The following RUVBL2 variants were observed in gnomAD, a reference collection of about 807,000 sequenced individuals.
RUVBL2 encodes RuvB like AAA ATPase 2, also known as ruvB-like 2.
Under a neutral mutation model 57.9 loss-of-function variants are expected in RUVBL2, and 9 were observed. The observed-to-expected ratio is 0.16, with a 90% CI of 0.09 to 0.27. RUVBL2 has a LOEUF of 0.27. Among genes scored for constraint, RUVBL2 ranks in the 10% least tolerant of loss-of-function variants. The pLI is 1.00. For missense variants in RUVBL2, 456 were observed against 669.6 expected, an observed-to-expected ratio of 0.68 and a Z score of 3.52; for synonymous variants, 278 against 264.6, an observed-to-expected ratio of 1.05 and a Z score of -0.49.
chr19:49,009,638 A>G, intron 6 of RUVBL2, 138 bp from the exon 7 acceptor site: 1 of 725,126 alleles, frequency 1.4e-6, no homozygotes, highest in Non-Finnish European at 2.4e-6. Flanking sequence ...TTCCCTGGAG[A>G]GCTTCCTTGT....
At position 49,011,042 on chromosome 19, in the gene RUVBL2, T is replaced by C. The variant is rs2039415260; in HGVS notation, c.831T>C (p.Asn277=). The change falls in exon 10 of 15, where the codon AAT becomes AAC. Residue 277 remains asparagine, a synonymous_variant. Coordinates refer to ENST00000595090, the MANE Select transcript of RUVBL2 (RefSeq NM_006666.3). The surrounding 1 kb of genome is among the most constrained non-coding windows in gnomAD (Gnocchi z 4.4). ...AGTCAGAAGTCCGTGAGCAGATCAA[T>C]GCCAAGGTGGCTGAGTGGCGCGAGG... ...EIKSEVREQI[N]AKVAEWREEG... is the part of the protein sequence containing the mutation. 6.2e-7 allele frequency: 1 copy of C among 1,608,956 alleles called. No individual in the cohort carries two copies. Among genetic ancestry groups the C allele is most frequent in the Non-Finnish European group, 8.5e-7 (1 of 1,177,766 alleles).
chr19:49,010,470 C>CCCCCCCCCCCCCCCCCA lies in RUVBL2; in HGVS notation c.664-16_664-15insCCCCCCCCCCCCCCACC. 1 of 1,211,172 alleles carries CCCCCCCCCCCCCCCCCA rather than the reference C, an allele frequency of 8.3e-7. No homozygotes were observed. The highest frequency in any genetic ancestry group is 1.2e-6 in the Non-Finnish European group (1 of 861,236). 75.0% of individuals were successfully genotyped at this position (1,211,172 alleles called of 1,614,324 possible). A position where few individuals can be genotyped will look rare whatever the true frequency, so the allele number is the denominator to read the frequency against. On this transcript the variant is annotated splice_polypyrimidine_tract_variant and intron_variant, in intron 8 of 14. Coordinates refer to ENST00000595090, the MANE Select transcript of RUVBL2 (RefSeq NM_006666.3). ...CCTGCCCTGTCTCCGCCGTTCTTCC[C>CCCCCCCCCCCCCCCCCA]CCACCCCCGCCCCATAGACCAAGTT...
Position 49,011,475 on chromosome 19 carries a change from C to T in RUVBL2, c.1001+165C>T, listed in dbSNP as rs951775634. Reference sequence around the variant, plus strand: ...GCGGGTGGGAGGCAGCTCTGCTTCCCGAGGAAGCCCAGAGACTGTGTTCTT... The same window carrying T: ...GCGGGTGGGAGGCAGCTCTGCTTCCTGAGGAAGCCCAGAGACTGTGTTCTT... On this transcript the variant is annotated intron_variant, in intron 11 of 14. Coordinates refer to ENST00000595090, the MANE Select transcript of RUVBL2 (RefSeq NM_006666.3). The surrounding 1 kb of genome is among the most constrained non-coding windows in gnomAD (Gnocchi z 4.4). Among the ~76,000 whole-genome samples, 1 of 152,148 alleles carries T rather than the reference C, an allele frequency of 6.6e-6. No individual in the cohort carries two copies. The highest frequency in any genetic ancestry group is 1.5e-5 in the Non-Finnish European group (1 of 68,008).
At chr19:49,009,693 C>A (rs753739346) in intron 6 of RUVBL2, 83 bp from the exon 7 acceptor site, 3 of 1,205,084 alleles carry the variant, frequency 2.5e-6, no homozygotes, top group Admixed American at 1.7e-5. Flanking sequence ...CAGAGCAGAG[C>A]CAGAAGCTTA....
At position 49,011,167 on chromosome 19, in the gene RUVBL2, A is replaced by G; in HGVS notation, c.883-25A>G. 6.2e-7 allele frequency: 1 copy of G among 1,609,302 alleles called. No homozygotes were observed. The highest frequency in any genetic ancestry group is 8.5e-7 in the Non-Finnish European group (1 of 1,176,390). ...CGGGGAAGTGGGGACGCGGGTGGTG[A>G]CTCTCACACACACCCCAATCCAAGG... On this transcript the variant is annotated intron_variant, in intron 10 of 14. Coordinates refer to ENST00000595090, the MANE Select transcript of RUVBL2 (RefSeq NM_006666.3). The surrounding 1 kb of genome is among the most constrained non-coding windows in gnomAD (Gnocchi z 4.4).
chr19:49,003,396 C>T, intron 3 of RUVBL2, 62 bp downstream of exon 3: 3 of 1,506,220 alleles, frequency 2.0e-6, no homozygotes, highest in Non-Finnish European at 2.8e-6. Context: ...AGTGGGTACC[C>T]AGGGTCCTGG....
chr19:48,993,753 G>A, upstream of RUVBL2: 5 of 906,102 alleles, frequency 5.5e-6, no homozygotes, highest in South Asian at 7.5e-5. Flanking sequence ...AGCCTCGGTG[G>A]GAGGGCGGGG....
chr19:48,997,125 AC>A (rs1268114298), intron 1 of RUVBL2, among the ~76,000 whole-genome samples: 1 of 151,314 alleles, frequency 6.6e-6, no homozygotes, highest in Non-Finnish European at 1.5e-5. Context: ...CCAAAAAGAA[AC>A]CCCATGCCTC....
chr19:49,006,118 C>T (rs531550983), intron 4 of RUVBL2, among the ~76,000 whole-genome samples: 1 of 152,374 alleles, frequency 6.6e-6, no homozygotes, highest in Admixed American at 6.5e-5. Flanking sequence ...CCCCAGATGG[C>T]ATGGGCCGTG....
intron 6 of RUVBL2, among the ~76,000 whole-genome samples, chr19:49,009,347 C>T (rs540639042): frequency 4.7e-4 from 70 of 148,300 alleles, no homozygotes; most frequent in Admixed American, 2.5e-3. Flanking sequence ...ATTAGCCATG[C>T]GTGGTGGCGG....
In RUVBL2 at chr19:49,007,135, G is replaced by A. The variant is rs2039297163; in HGVS notation, c.383G>A (p.Gly128Asp). 6.2e-7 allele frequency: 1 copy of A among 1,613,336 alleles called. No individual in the cohort carries two copies. Among genetic ancestry groups the A allele is most frequent in the African/African-American group, 1.3e-5 (1 of 75,072 alleles). The change falls in exon 5 of 15, where the codon GGC becomes GAC. Residue 128 changes from glycine to aspartate, a missense_variant. Gly to Asp is a moderately conservative substitution (Grantham distance 94). Transcript: ENST00000595090. ...ALTQAFRRSI[G>D]VRIKEETEII... is the part of the protein sequence containing the mutation. Reference sequence around the variant, plus strand: ...ACGCAGGCCTTCCGGCGGTCCATCGGCGTTCGCATCAAGTAAGCGGGGGAC... The same window carrying A: ...ACGCAGGCCTTCCGGCGGTCCATCGACGTTCGCATCAAGTAAGCGGGGGAC...
intron 11 of RUVBL2, among the ~76,000 whole-genome samples, chr19:49,012,673 A>G (rs1457845994): frequency 6.6e-6 from 1 of 152,256 alleles, no homozygotes; most frequent in African/African-American, 2.4e-5. Flanking sequence ...CTGAGTGTGA[A>G]CGAGGCAACA....
rs774624229 is a variant in RUVBL2 at position 49,009,871 on chromosome 19, G to A, written c.558G>A (p.Lys186=). 6.2e-7 allele frequency: 1 copy of A among 1,614,082 alleles called. No individual in the cohort carries two copies. Among genetic ancestry groups the A allele is most frequent in the South Asian group, 1.1e-5 (1 of 91,082 alleles). Residue 186 remains lysine, a synonymous_variant, in exon 7 of 15, where the codon AAG becomes AAA. Transcript: ENST00000595090. ...TGATTGAGTCCCTGACCAAGGACAA[G>A]GTCCAGGCCGGGTGAGCAGTCAGGG... ...TKMIESLTKD[K]VQAGDVITID... is the part of the protein sequence containing the mutation.
chr19:49,015,898 ACT>A lies in RUVBL2; in HGVS notation c.*59_*60del, dbSNP rs1236542216. The A allele has an allele frequency of 1.1e-5, 18 of 1,613,844 alleles. No individual in the cohort carries two copies. The highest frequency in any genetic ancestry group is 1.4e-5 in the Non-Finnish European group (16 of 1,179,904). On this transcript the variant is annotated 3_prime_UTR_variant, in exon 15 of 15. Coordinates refer to ENST00000595090, the MANE Select transcript of RUVBL2 (RefSeq NM_006666.3). ...TTTCCACCAGAGTTCTGACACTGTG[ACT>A]CTGTATAAAATGGTTGGGAAGCTGC...
intron 7 of RUVBL2, 28 bp downstream of exon 7, chr19:49,009,910 G>A (rs749987190): frequency 9.9e-6 from 16 of 1,613,130 alleles, no homozygotes. Context: ...ATGCCAGGCA[G>A]CCAGGGGGAT....
chr19:49,004,460 A>G (rs1164972207), intron 4 of RUVBL2, 42 bp downstream of exon 4: 2 of 1,568,518 alleles, frequency 1.3e-6, no homozygotes, highest in African/African-American at 2.7e-5. Context: ...GTTTCCTGCT[A>G]AATAACTCCT....
At position 49,011,268 on chromosome 19, in the gene RUVBL2, T is replaced by C; in HGVS notation, c.959T>C (p.Met320Thr). Residue 320 changes from methionine (M) to threonine (T), a missense_variant, in exon 11 of 15, where the codon ATG (methionine) becomes ACG (threonine). Met to Thr is a moderately conservative substitution (Grantham distance 81). This residue lies in a region of RUVBL2 where 130 missense variants were observed against 243.0 expected (regional missense o/e 0.53). Coordinates refer to ENST00000595090, the MANE Select transcript of RUVBL2 (RefSeq NM_006666.3). This position sits in a 1 kb window ranked among gnomAD's most constrained non-coding sequence, Gnocchi z 4.4. ...SFLNRALESD[M>T]APVLIMATNR... Reference sequence around the variant, plus strand: ...CTCAACCGGGCCCTGGAGAGTGACATGGCGCCTGTCCTGATCATGGCCACC... The same window carrying C: ...CTCAACCGGGCCCTGGAGAGTGACACGGCGCCTGTCCTGATCATGGCCACC... 1 of 1,613,882 alleles carries C rather than the reference T, an allele frequency of 6.2e-7. No homozygotes were observed. Among genetic ancestry groups the C allele is most frequent in the Non-Finnish European group, 8.5e-7 (1 of 1,180,012 alleles).
intron 2 of RUVBL2, 91 bp from the exon 3 acceptor site, chr19:49,003,187 TG>T: frequency 9.0e-7 from 1 of 1,106,276 alleles, no homozygotes. Context: ...CCCACCCCTT[TG>T]ACAAAGAAGG....
At chr19:49,009,692 G>A in intron 6 of RUVBL2, 84 bp from the exon 7 acceptor site, 1 of 1,197,948 alleles carries the variant, frequency 8.3e-7, no homozygotes, top group Non-Finnish European at 1.2e-6. Flanking sequence ...CCAGAGCAGA[G>A]CCAGAAGCTT....
Sources: gnomAD v4.1 joint callset for allele counts (sites outside exome capture counted in the v4.1 genomes callset) on GRCh38, gnomAD v4.1.1 for gene constraint, gnomAD v4.1.1 regional missense constraint, Gnocchi (gnomAD v3.1) non-coding constraint, MANE v1.5 for transcripts, NCBI Gene and HGNC (gene_info 2026-07-23, HGNC 2026-07-21) for gene names.